Variants in MANBA observed in about 807,000 individuals in gnomAD.
MANBA encodes mannosidase beta.
MANBA carries 83 observed loss-of-function variants against 111.1 expected under a neutral mutation model. The ratio of observed to expected loss-of-function variants is 0.75; its 90% CI spans 0.63 to 0.90. MANBA has a LOEUF of 0.90. Ranked by LOEUF, MANBA falls within the 40% of genes least tolerant of loss-of-function variation. The probability of loss-of-function intolerance (pLI) is 0.00; values close to 1 mark genes in which losing one functional copy is unlikely to be tolerated. For synonymous variants in MANBA, 370 were observed against 378.7 expected (o/e 0.98, Z 0.27); for missense variants, 1,036 against 1,069.0 (o/e 0.97, Z 0.43).
intron 5 of MANBA, among the ~76,000 whole-genome samples, chr4:102,706,256 T>C (rs534972992): frequency 6.6e-6 from 1 of 152,314 alleles, no homozygotes; most frequent in East Asian, 1.9e-4. Context: ...AGGACTGGCC[T>C]TCTTGATGAC....
At chr4:102,646,628 G>A (rs970384181) in intron 13 of MANBA, among the ~76,000 whole-genome samples, 1 of 152,138 alleles carries the variant, frequency 6.6e-6, no homozygotes, top group African/African-American at 2.4e-5. Context: ...ATAAGAGGCC[G>A]TGCTGGTAGA....
chr4:102,680,133 C>T (rs950741043), intron 7 of MANBA, among the ~76,000 whole-genome samples: 2 of 152,158 alleles, frequency 1.3e-5, no homozygotes, highest in African/African-American at 2.4e-5. Flanking sequence ...TCTCCTGGCA[C>T]TCTCCTTCAA....
intron 4 of MANBA, among the ~76,000 whole-genome samples, chr4:102,716,376 G>A (rs1173070820): frequency 6.7e-6 from 1 of 148,986 alleles, no homozygotes; most frequent in African/African-American, 2.5e-5. Context: ...TTATAAATAG[G>A]TTTTAAAAAG....
intron 1 of MANBA, among the ~76,000 whole-genome samples, chr4:102,742,931 G>A (rs1329455787): frequency 5.4e-5 from 8 of 149,380 alleles, no homozygotes; most frequent in South Asian, 2.1e-4. Context: ...CAGCAGTGCC[G>A]TGGCCAGGTC....
intron 10 of MANBA, chr4:102,668,663 A>C: frequency 2.6e-6 from 1 of 377,866 alleles, no homozygotes; most frequent in East Asian, 6.1e-5. Flanking sequence ...TAGTTTGTAC[A>C]TGTTACATTT....
intron 7 of MANBA, among the ~76,000 whole-genome samples, chr4:102,687,769 G>C (rs992545965): frequency 1.3e-5 from 2 of 152,120 alleles, no homozygotes; most frequent in Admixed American, 6.6e-5. Context: ...GTTCTACTAA[G>C]GTCTCAGAGA....
At chr4:102,729,453 C>T (rs1421151944) in intron 1 of MANBA, 7 of 1,285,570 alleles carry the variant, frequency 5.4e-6, no homozygotes, top group Admixed American at 3.4e-5. Context: ...CAGATGTGTC[C>T]GAGATCTGGG....
chr4:102,635,865 A>T lies in MANBA; in HGVS notation c.2157T>A (p.Ser719Arg). The T allele has an allele frequency of 6.2e-7, 1 of 1,611,406 alleles. No homozygotes were observed. The highest frequency in any genetic ancestry group is 1.3e-5 in the African/African-American group (1 of 75,000). ...TTAGAAAACAATCCAAGTAACTTAC[A>T]CTGAGTGTCATCGAATAATCCGAGT... is the stretch of plus-strand genomic sequence containing the variant. The part of the protein sequence containing the change: ...DLHSDYSMTL[S>R]VRVHTWSSLE... Residue 719 changes from serine (S) to arginine (R), a missense_variant and splice_region_variant, in exon 15 of 17, where the codon AGT becomes AGA. Coordinates refer to ENST00000647097, the MANE Select transcript of MANBA (RefSeq NM_005908.4).
At chr4:102,730,538 A>G (rs1175954551) in intron 1 of MANBA, 46 of 531,658 alleles carry the variant, frequency 8.7e-5, no homozygotes, top group South Asian at 5.4e-4. Flanking sequence ...AGATTTTTCT[A>G]TGAGAAATAA....
At position 102,701,458 on chromosome 4, in the gene MANBA, T is replaced by C. The variant is rs1047082186; in HGVS notation, c.674-10687A>G. 6.2e-4 allele frequency among the ~76,000 whole-genome samples: 95 copies of C among 152,368 alleles called. 1 individual carries two copies. The highest frequency in any genetic ancestry group is 2.2e-3 in the African/African-American group (91 of 41,580). On this transcript the variant is annotated intron_variant, in intron 5 of 16. Coordinates refer to ENST00000647097, the MANE Select transcript of MANBA (RefSeq NM_005908.4). ...TGATGCAGTTTCTTCCTAGTCTCCA[T>C]GGTCTTTACATTTTGGCATGATTTT...
intron 5 of MANBA, among the ~76,000 whole-genome samples, chr4:102,698,253 T>G (rs1296462858): frequency 2.6e-5 from 4 of 152,260 alleles, no homozygotes; most frequent in African/African-American, 9.6e-5. Context: ...ATTCTGGATA[T>G]TAGCCCTTTG....
chr4:102,736,432 A>G (rs559681338), intron 1 of MANBA, among the ~76,000 whole-genome samples: 1 of 152,230 alleles, frequency 6.6e-6, no homozygotes, highest in Non-Finnish European at 1.5e-5. Flanking sequence ...CTCCATCATT[A>G]TACCTGATTA....
intron 3 of MANBA, among the ~76,000 whole-genome samples, chr4:102,723,528 G>T (rs1722668556): frequency 6.6e-6 from 1 of 152,206 alleles, no homozygotes; most frequent in Admixed American, 6.5e-5. Context: ...AACTATTCCA[G>T]AAAGGAAATG....
chr4:102,701,644 T>C (rs868273438), intron 5 of MANBA, among the ~76,000 whole-genome samples: 379 of 151,838 alleles, frequency 2.5e-3, no homozygotes, highest in Admixed American at 7.8e-3. Context: ...GATATGAAAT[T>C]CTGGGTTGAA....
intron 10 of MANBA, chr4:102,666,432 G>T (rs1361933379): frequency 6.6e-6 from 1 of 152,196 alleles, no homozygotes; most frequent in Non-Finnish European, 1.5e-5. Context: ...AGGCCTCAGG[G>T]AGATGACAAT....
chr4:102,692,759 T>C (rs1560777396), intron 5 of MANBA, among the ~76,000 whole-genome samples: 2 of 152,116 alleles, frequency 1.3e-5, no homozygotes, highest in Non-Finnish European at 2.9e-5. Flanking sequence ...GCTTCTATTT[T>C]TCTCCAAAGG....
At chr4:102,675,131 T>G (rs1731670399) in intron 7 of MANBA, among the ~76,000 whole-genome samples, 1 of 152,246 alleles carries the variant, frequency 6.6e-6, no homozygotes, top group African/African-American at 2.4e-5. Flanking sequence ...TAAAACACCA[T>G]GATGGTGGGT....
intron 1 of MANBA, among the ~76,000 whole-genome samples, chr4:102,751,108 T>G (rs146956180): frequency 6.6e-6 from 1 of 152,222 alleles, no homozygotes; most frequent in Non-Finnish European, 1.5e-5. Context: ...AGAAACTGCT[T>G]ATTTGCTACT....
At chr4:102,686,216 CCACACATACA>C (rs1238427256) in intron 7 of MANBA, among the ~76,000 whole-genome samples, 2 of 148,654 alleles carry the variant, frequency 1.3e-5, no homozygotes, top group African/African-American at 2.5e-5. Context: ...GTGTGTCTAC[CCACACATACA>C]CATGCATTTA....
Sources: allele counts gnomAD v4.1 joint callset (sites outside exome capture counted in the v4.1 genomes callset), GRCh38; gene constraint gnomAD v4.1.1; transcripts MANE v1.5; gene names NCBI Gene and HGNC (gene_info 2026-07-23, HGNC 2026-07-21).